The following TMEM170B variants were observed in gnomAD, a reference collection of about 807,000 sequenced individuals.
TMEM170B encodes the protein transmembrane protein 170B.
TMEM170B carries 6 observed loss-of-function variants against 13.0 expected under a neutral mutation model. The observed-to-expected ratio is 0.46, with a 90% confidence interval of 0.25 to 0.91. TMEM170B has a LOEUF of 0.91. Among genes scored for constraint, TMEM170B ranks in the 40% least tolerant of loss-of-function variants. The pLI is 0.17. For synonymous variants in TMEM170B, 61 were observed against 64.9 expected, an observed-to-expected ratio of 0.94 and a Z score of 0.29; for missense variants, 138 against 165.2, an observed-to-expected ratio of 0.84 and a Z score of 0.90.
At chr6:11,561,623 AT>A (rs1286768364) in intron 1 of TMEM170B, among the ~76,000 whole-genome samples, 2 of 152,208 alleles carry the variant, frequency 1.3e-5, no homozygotes, top group African/African-American at 4.8e-5. Context: ...CTGTCAGGTA[AT>A]TCAAAATAAT....
chr6:11,575,623 G>T lies in TMEM170B; in HGVS notation c.*62G>T. 2 of 1,586,918 alleles carry T rather than the reference G, an allele frequency of 1.3e-6. No individual in the cohort carries two copies. The highest frequency in any genetic ancestry group is 1.7e-6 in the Non-Finnish European group (2 of 1,159,418). The stretch of plus-strand genomic sequence containing the variant: ...CAGATGTACAGATTCCCTGAAAACG[G>T]CATTGTTAACAAGTGGAAATGAAAT... On this transcript the variant is annotated 3_prime_UTR_variant, in exon 3 of 3. Transcript: ENST00000379426. The surrounding 1 kb of genome is among the most constrained non-coding windows in gnomAD (Gnocchi z 4.1).
At chr6:11,552,937 A>G (rs116779552) in intron 1 of TMEM170B, among the ~76,000 whole-genome samples, 158 of 152,292 alleles carry the variant, frequency 1.0e-3, no homozygotes, top group African/African-American at 3.6e-3. Flanking sequence ...TAAATCAGTA[A>G]GGGGTGGTCT....
chr6:11,550,786 G>C (rs1759514336), intron 1 of TMEM170B, among the ~76,000 whole-genome samples: 2 of 152,198 alleles, frequency 1.3e-5, no homozygotes, highest in African/African-American at 2.4e-5. Context: ...TCTAAGCCAT[G>C]ACTTGAAAAA....
intron 1 of TMEM170B, among the ~76,000 whole-genome samples, chr6:11,538,631 C>A (rs1025073243): frequency 1.3e-5 from 2 of 152,176 alleles, no homozygotes; most frequent in African/African-American, 4.8e-5. Flanking sequence ...GGAGAGCTCC[C>A]GGTGGCGGCC....
chr6:11,569,236 T>C (rs544756903), intron 2 of TMEM170B, among the ~76,000 whole-genome samples: 313 of 152,290 alleles, frequency 2.1e-3, no homozygotes, highest in African/African-American at 7.2e-3. Flanking sequence ...AAATAATTTA[T>C]CTCAGTCTTT....
chr6:11,542,959 G>C (rs1382908545), intron 1 of TMEM170B, among the ~76,000 whole-genome samples: 1 of 152,154 alleles, frequency 6.6e-6, no homozygotes, highest in African/African-American at 2.4e-5. Flanking sequence ...AAATCTTATA[G>C]CTAGTATATG....
intron 1 of TMEM170B, among the ~76,000 whole-genome samples, chr6:11,553,487 A>G (rs1185058876): frequency 6.6e-6 from 1 of 152,184 alleles, no homozygotes; most frequent in African/African-American, 2.4e-5. Context: ...GAAAGAAGTA[A>G]TAGGATCCTT....
intron 2 of TMEM170B, among the ~76,000 whole-genome samples, chr6:11,571,239 G>A (rs1222232314): frequency 1.3e-5 from 2 of 150,268 alleles, no homozygotes; most frequent in African/African-American, 4.9e-5. Flanking sequence ...AGGCTGGAAT[G>A]CAGTGACACA....
chr6:11,565,401 A>C lies in TMEM170B; in HGVS notation c.98-265A>C, dbSNP rs551738090. On this transcript the variant is annotated intron_variant, in intron 1 of 2. Coordinates refer to ENST00000379426, the MANE Select transcript of TMEM170B (RefSeq NM_001100829.3). ...GTTTAATATAAAATTGATGGATGAT[A>C]GCTATGTAATAGGGGCATTTAGAAG... Among the ~76,000 whole-genome samples the C allele has an allele frequency of 2.6e-5, 4 of 152,362 alleles. No individual in the cohort carries two copies. The South Asian group carries it at 8.3e-4, about 32-fold the overall frequency.
chr6:11,559,043 A>G (rs575012204), intron 1 of TMEM170B, among the ~76,000 whole-genome samples: 6 of 152,242 alleles, frequency 3.9e-5, no homozygotes, highest in South Asian at 4.1e-4. Flanking sequence ...CTCTGTCTCA[A>G]TTACTCAGCT....
rs540801050 is a variant in TMEM170B, at chr6:11,567,258, C to G, written c.268+1422C>G. Among the ~76,000 whole-genome samples the G allele has an allele frequency of 2.0e-5, 3 of 152,052 alleles. No individual in the cohort carries two copies. The East Asian group carries it at 6.0e-4, about 30-fold the overall frequency. ...TGGTTGTGCCAGGAACCGGGTGCCT[C>G]TCTGAGCTGCTGTTGATTCTGTGAC... is the stretch of plus-strand genomic sequence containing the variant. On this transcript the variant is annotated intron_variant, in intron 2 of 2. Coordinates refer to ENST00000379426, the MANE Select transcript of TMEM170B (RefSeq NM_001100829.3).
At chr6:11,566,957 A>G (rs1759742126) in intron 2 of TMEM170B, among the ~76,000 whole-genome samples, 1 of 152,154 alleles carries the variant, frequency 6.6e-6, no homozygotes, top group Non-Finnish European at 1.5e-5. Flanking sequence ...GCATTTCCTG[A>G]GATTTTATTG....
At chr6:11,553,098 A>G (rs1313058249) in intron 1 of TMEM170B, among the ~76,000 whole-genome samples, 2 of 152,130 alleles carry the variant, frequency 1.3e-5, no homozygotes, top group African/African-American at 2.4e-5. Context: ...TTTGATCTCA[A>G]AGTATATATG....
At chr6:11,564,041 T>C (rs941335429) in intron 1 of TMEM170B, among the ~76,000 whole-genome samples, 2 of 152,246 alleles carry the variant, frequency 1.3e-5, no homozygotes, top group African/African-American at 4.8e-5. Context: ...GTCCACAAGG[T>C]TCATTCCTGT....
intron 1 of TMEM170B, among the ~76,000 whole-genome samples, chr6:11,546,476 A>G (rs1047380655): frequency 6.6e-6 from 1 of 152,224 alleles, no homozygotes; most frequent in Non-Finnish European, 1.5e-5. Flanking sequence ...TATAGTGTTT[A>G]TAAAGTCTAC....
At position 11,565,718 on chromosome 6, in the gene TMEM170B, T is replaced by C; in HGVS notation, c.150T>C (p.His50=). The C allele has an allele frequency of 6.2e-7, 1 of 1,614,180 alleles. No homozygotes were observed. Among genetic ancestry groups the C allele is most frequent in the Non-Finnish European group, 8.5e-7 (1 of 1,180,024 alleles). ...CTCTCTTCTCTTCTCTGTTTGTCCA[T>C]GGTGCTGCAGGAGTGTTGATGTTTG... ...LWALFSSLFV[H]GAAGVLMFVM... is the part of the protein sequence containing the mutation. Residue 50 remains histidine, a synonymous_variant, in exon 2 of 3, where the codon CAT becomes CAC. Transcript: ENST00000379426.
Position 11,581,592 on chromosome 6 carries a change from A to C in TMEM170B, c.*6031A>C, listed in dbSNP as rs1019059907. On this transcript the variant is annotated 3_prime_UTR_variant, in exon 3 of 3. Coordinates refer to ENST00000379426, the MANE Select transcript of TMEM170B (RefSeq NM_001100829.3). ...CACAGAAAGAGGAATTGCGGTGCATAATCAATCGTCTGAGTCCCATAACTG... is the reference window on the plus strand; with the variant it reads ...CACAGAAAGAGGAATTGCGGTGCATCATCAATCGTCTGAGTCCCATAACTG... 5.3e-5 allele frequency: 8 copies of C among 152,346 alleles called. No homozygotes were observed. Among genetic ancestry groups the C allele is most frequent in the African/African-American group, 1.9e-4 (8 of 41,578 alleles). The allele number at this position is 152,346 out of a possible 1,614,324, so 9.4% of individuals were successfully genotyped here.
chr6:11,554,005 T>C (rs139419414), intron 1 of TMEM170B, among the ~76,000 whole-genome samples: 1,590 of 152,284 alleles, frequency 0.01, 10 homozygotes, highest in Middle Eastern at 0.02. Context: ...ATTTAAGGTG[T>C]GATTACCGTG....
intron 1 of TMEM170B, among the ~76,000 whole-genome samples, chr6:11,547,271 A>G (rs941710642): frequency 6.6e-6 from 1 of 152,188 alleles, no homozygotes; most frequent in African/African-American, 2.4e-5. Flanking sequence ...AATTGTTCAC[A>G]TTCATACTGG....
Sources: allele counts gnomAD v4.1 joint callset (sites outside exome capture counted in the v4.1 genomes callset), GRCh38; gene constraint gnomAD v4.1.1; non-coding constraint Gnocchi (gnomAD v3.1); transcripts MANE v1.5; gene names NCBI Gene and HGNC (gene_info 2026-07-23, HGNC 2026-07-21).